Variants in SLC2A5 observed in about 807,000 individuals in gnomAD.
SLC2A5 encodes solute carrier family 2 member 5.
SLC2A5 carries 56 observed loss-of-function variants against 50.3 expected under a neutral mutation model. The ratio of observed to expected loss-of-function variants is 1.11; its 90% CI spans 0.90 to 1.39. SLC2A5 has a LOEUF of 1.39. SLC2A5 is among the 40% of genes most tolerant of loss of function. SLC2A5 has a pLI of 0.00. For synonymous variants in SLC2A5, 269 were observed against 281.9 expected (o/e 0.95, Z 0.46); for missense variants, 566 against 650.1 (o/e 0.87, Z 1.41).
intron 3 of SLC2A5, among the ~76,000 whole-genome samples, chr1:9,053,550 T>G (rs1318608177): frequency 5.0e-5 from 5 of 100,370 alleles, no homozygotes; most frequent in African/African-American, 1.7e-4. Flanking sequence ...ATATTATATA[T>G]TTATATATAT....
upstream of SLC2A5, among the ~76,000 whole-genome samples, chr1:9,072,874 A>G (rs529694477): frequency 6.6e-6 from 1 of 151,978 alleles, no homozygotes; most frequent in African/African-American, 2.4e-5. Flanking sequence ...AAGTAGGAGA[A>G]TCGCTTGAAC....
Position 9,037,479 on chromosome 1 carries a change from A to T in SLC2A5, c.*107T>A. On this transcript the variant is annotated 3_prime_UTR_variant, in exon 12 of 12. Transcript: ENST00000377424. ...GCTGGAGATGAGGACTGCATTCCAC[A>T]TCAGAGTTGTTTTATTTCTGGATAT... 1 of 931,464 alleles carries T rather than the reference A, an allele frequency of 1.1e-6. No homozygotes were observed. Among genetic ancestry groups the T allele is most frequent in the Non-Finnish European group, 1.7e-6 (1 of 585,570 alleles). The allele number at this position is 931,464 out of a possible 1,614,324, so 57.7% of individuals were successfully genotyped here.
chr1:9,063,365 A>T (rs1170820436), intron 1 of SLC2A5, among the ~76,000 whole-genome samples: 3 of 149,188 alleles, frequency 2.0e-5, no homozygotes, highest in African/African-American at 7.5e-5. Context: ...TACTTTATTT[A>T]TTTAAATTTT....
chr1:9,068,801 T>G (rs1278000651), intron 1 of SLC2A5, among the ~76,000 whole-genome samples: 1 of 152,190 alleles, frequency 6.6e-6, no homozygotes, highest in African/African-American at 2.4e-5. Context: ...AAATGCTGTT[T>G]TGCAAAAATG....
chr1:9,037,691 C>G lies in SLC2A5; in HGVS notation c.1401G>C (p.Thr467=). 6.2e-7 allele frequency: 1 copy of G among 1,614,180 alleles called. No homozygotes were observed. The highest frequency in any genetic ancestry group is 8.5e-7 in the Non-Finnish European group (1 of 1,180,030). The part of the protein sequence containing the change: ...FLIVPETKAK[T]FIEINQIFTK... ...TGAAAATCTGGTTGATCTCTATGAA[C>G]GTCTTGGCCTTGGTCTCCGGGACAA... The change falls in exon 12 of 12, where the codon ACG becomes ACC. Residue 467 remains threonine (T), a synonymous_variant. Transcript: ENST00000377424.
intron 5 of SLC2A5, 139 bp downstream of exon 5, chr1:9,041,645 GC>G: frequency 1.3e-6 from 2 of 1,524,258 alleles, no homozygotes; most frequent in Non-Finnish European, 1.8e-6. Context: ...GACAGGATGG[GC>G]CCCCCAAGGA....
At chr1:9,076,508 G>A (rs1021002382) in intron 2 of SLC2A5, among the ~76,000 whole-genome samples, 1 of 152,166 alleles carries the variant, frequency 6.6e-6, no homozygotes, top group Non-Finnish European at 1.5e-5. Flanking sequence ...TGTTCTTTAG[G>A]AACAGGTATA....
chr1:9,041,797 C>T lies in SLC2A5; in HGVS notation c.559G>A (p.Ala187Thr). ...GTCCTGAACTCACCATCTACGTTTG[C>T]AAGGAGATTCCGAAGACCAAAGATC... Reference protein sequence around the residue: ...AQIFGLRNLLANVDGWPILLG... With the variant: ...AQIFGLRNLLTNVDGWPILLG... The change falls in exon 5 of 12, where the codon GCA becomes ACA. Residue 187 changes from alanine (A) to threonine (T), a missense_variant. By Grantham distance (58) the Ala-to-Thr change is moderately conservative (BLOSUM62 0). Coordinates refer to ENST00000377424, the MANE Select transcript of SLC2A5 (RefSeq NM_003039.3). The T allele has an allele frequency of 6.2e-7, 1 of 1,614,052 alleles. No individual in the cohort carries two copies. Among genetic ancestry groups the T allele is most frequent in the South Asian group, 1.1e-5 (1 of 91,062 alleles).
In SLC2A5 at chr1:9,065,053, CAAAAAAAA is replaced by C. The variant is rs199947177; in HGVS notation, c.33+4443_33+4450del. ...GGGCAACAAGAGCAAGATTCTGTCT[CAAAAAAAA>C]AAAAAAAAAATGTATAGCCTATCAC... On this transcript the variant is annotated intron_variant, in intron 1 of 11. Transcript: ENST00000377424. Among the ~76,000 whole-genome samples, 440 of 107,236 alleles carry C rather than the reference CAAAAAAAA, an allele frequency of 4.1e-3. 11 individuals are homozygous for C. In the East Asian group the frequency reaches 0.045, roughly 11 times the overall value. 70.4% of individuals were successfully genotyped at this position (107,236 alleles called of 152,430 possible). A position where few individuals can be genotyped will look rare whatever the true frequency, so the allele number is the denominator to read the frequency against.
intron 4 of SLC2A5, among the ~76,000 whole-genome samples, chr1:9,042,564 G>A (rs1641330956): frequency 8.9e-6 from 1 of 112,810 alleles, no homozygotes; most frequent in Admixed American, 8.7e-5. Flanking sequence ...TATATGGCAT[G>A]TGTGTGTACA....
intron 2 of SLC2A5, among the ~76,000 whole-genome samples, chr1:9,083,034 C>G (rs1297742310): frequency 2.6e-5 from 4 of 152,068 alleles, no homozygotes; most frequent in Non-Finnish European, 4.4e-5. Flanking sequence ...CCAAATTGTT[C>G]ACTTTCAAAT....
At chr1:9,074,794 C>G (rs187559986) in intron 2 of SLC2A5, among the ~76,000 whole-genome samples, 2 of 152,240 alleles carry the variant, frequency 1.3e-5, no homozygotes, top group African/African-American at 4.8e-5. Flanking sequence ...GAGGCTGAGG[C>G]AGGAGGATCG....
intron 2 of SLC2A5, among the ~76,000 whole-genome samples, chr1:9,084,634 A>C (rs1175909670): frequency 6.6e-6 from 1 of 152,196 alleles, no homozygotes; most frequent in Non-Finnish European, 1.5e-5. Context: ...GTACTACATC[A>C]GGCACCAGAT....
In SLC2A5 at chr1:9,060,553, A is replaced by C. The variant is rs1194094504; in HGVS notation, c.34-2303T>G. Among the ~76,000 whole-genome samples the C allele has an allele frequency of 9.2e-5, 12 of 130,374 alleles. No homozygotes were observed. In the South Asian group the frequency reaches 1.8e-3, roughly 20 times the overall value. The allele number at this position is 130,374 out of a possible 152,430, so 85.5% of individuals were successfully genotyped here. ...CATACACACACCACACACATACCCCACACACACACCACACACATACACACC... is the reference window on the plus strand; with the variant it reads ...CATACACACACCACACACATACCCCCCACACACACCACACACATACACACC... On this transcript the variant is annotated intron_variant, in intron 1 of 11. Transcript: ENST00000377424.
At chr1:9,043,874 A>G (rs531489958) in intron 4 of SLC2A5, among the ~76,000 whole-genome samples, 1 of 151,866 alleles carries the variant, frequency 6.6e-6, no homozygotes, top group East Asian at 2.0e-4. Flanking sequence ...GGCGCCCGCC[A>G]CCACGCCTGG....
Position 9,040,315 on chromosome 1 carries a change from A to G in SLC2A5, c.572-126T>C. The G allele has an allele frequency of 8.2e-7, 1 of 1,221,466 alleles. No individual in the cohort carries two copies. Among genetic ancestry groups the G allele is most frequent in the South Asian group, 1.6e-5 (1 of 64,404 alleles). The allele number at this position is 1,221,466 out of a possible 1,614,324, so 75.7% of individuals were successfully genotyped here. A position where few individuals can be genotyped will look rare whatever the true frequency, so the allele number is the denominator to read the frequency against. ...GGCTCCAGGAGGGCACAGCTTTCCC[A>G]GCCCTAAGAACAGCAACTCCCGACG... On this transcript the variant is annotated intron_variant, in intron 5 of 11. Transcript: ENST00000377424. The surrounding 1 kb of genome is among the most constrained non-coding windows in gnomAD (Gnocchi z 4.3).
intron 2 of SLC2A5, among the ~76,000 whole-genome samples, chr1:9,075,984 C>A (rs1253155373): frequency 7.5e-6 from 1 of 133,806 alleles, no homozygotes; most frequent in Non-Finnish European, 1.6e-5. Context: ...GAGACGGAGT[C>A]TCACAGTGTT....
chr1:9,046,739 A>C (rs978299463), intron 4 of SLC2A5, among the ~76,000 whole-genome samples: 2 of 151,720 alleles, frequency 1.3e-5, no homozygotes, highest in Non-Finnish European at 2.9e-5. Context: ...TCTTTACTAC[A>C]CGTAACACTG....
At chr1:9,087,977 G>GC (rs959668805) in intron 1 of SLC2A5, among the ~76,000 whole-genome samples, 7 of 152,018 alleles carry the variant, frequency 4.6e-5, no homozygotes, top group Admixed American at 6.6e-5. Context: ...ACACAGCCTG[G>GC]CCCCAGTGCA....
Sources: allele counts gnomAD v4.1 joint callset (sites outside exome capture counted in the v4.1 genomes callset), GRCh38; gene constraint gnomAD v4.1.1; non-coding constraint Gnocchi (gnomAD v3.1); transcripts MANE v1.5; gene names NCBI Gene and HGNC (gene_info 2026-07-23, HGNC 2026-07-21).